Variants in IFT122 observed in about 807,000 individuals in gnomAD.
IFT122 encodes intraflagellar transport protein 122 homolog.
IFT122 carries 118 observed loss-of-function variants against 161.6 expected under a neutral mutation model. The observed-to-expected ratio is 0.73, with a 90% CI of 0.63 to 0.85. IFT122 has a LOEUF of 0.85. Among genes scored for constraint, IFT122 ranks in the 40% least tolerant of loss-of-function variants. The pLI is 0.00. For missense variants in IFT122, 1,381 were observed against 1,579.6 expected (o/e 0.87, Z 2.13); for synonymous variants, 550 against 602.4 (o/e 0.91, Z 1.27).
In IFT122 at chr3:129,466,897, G is replaced by T; in HGVS notation, c.571G>T (p.Glu191Ter). The T allele has an allele frequency of 6.2e-7, 1 of 1,614,064 alleles. No individual in the cohort carries two copies. Among genetic ancestry groups the T allele is most frequent in the Non-Finnish European group, 8.5e-7 (1 of 1,179,868 alleles). The change falls in exon 8 of 30, where the codon GAG becomes TAG. Residue 191 changes from glutamate to a stop codon, truncating the protein, a stop_gained. Coordinates refer to ENST00000348417, the MANE Select transcript of IFT122 (RefSeq NM_052989.3). LOFTEE classifies it high-confidence loss of function. ...ACTACTTACTGTCTACAGCCGATGG[G>T]AGAGTTTCTGGATGAACAGAGAGAA... is the stretch of plus-strand genomic sequence containing the variant. ...SICWNPSSRW[E>*]SFWMNRENED...
chr3:129,473,798 C>G (rs946466948), intron 9 of IFT122, among the ~76,000 whole-genome samples: 2 of 152,214 alleles, frequency 1.3e-5, no homozygotes, highest in African/African-American at 4.8e-5. Context: ...AGGCAAAAAC[C>G]CTTAAAAAAA....
chr3:129,505,986 T>G (rs1323339717), intron 21 of IFT122, among the ~76,000 whole-genome samples: 1 of 151,958 alleles, frequency 6.6e-6, no homozygotes, highest in Non-Finnish European at 1.5e-5. Flanking sequence ...TCCAGTGAGG[T>G]GATTAGCAAC....
At position 129,506,412 on chromosome 3, in the gene IFT122, T is replaced by C. The variant is rs759984088; in HGVS notation, c.2654T>C (p.Phe885Ser). 8.7e-6 allele frequency: 14 copies of C among 1,613,786 alleles called. No homozygotes were observed. The highest frequency in any genetic ancestry group is 1.2e-5 in the Non-Finnish European group (14 of 1,180,008). The change falls in exon 22 of 30, where the codon TTC becomes TCC. Residue 885 changes from phenylalanine to serine, a missense_variant. Transcript: ENST00000348417. ...NDRFEEAQKA[F>S]HKAGRQREAV... ...CCTCCCTCCACCACTCCTACAGCGT[T>C]CCACAAGGCTGGGCGACAGAGAGAA...
intron 5 of IFT122, among the ~76,000 whole-genome samples, chr3:129,462,749 A>T (rs900996676): frequency 6.6e-6 from 1 of 152,206 alleles, no homozygotes; most frequent in Non-Finnish European, 1.5e-5. Flanking sequence ...CAACTTGGCA[A>T]ATAGAAGAAT....
At chr3:129,487,347 T>A (rs1247317798) in intron 15 of IFT122, among the ~76,000 whole-genome samples, 3 of 151,954 alleles carry the variant, frequency 2.0e-5, no homozygotes, top group Non-Finnish European at 4.4e-5. Flanking sequence ...TGGAGTCCAG[T>A]CACCTCTGGC....
At position 129,512,632 on chromosome 3, in the gene IFT122, T is replaced by C. The variant is rs796369490; in HGVS notation, c.2987+220T>C. The C allele has an allele frequency of 3.4e-5, 20 of 594,624 alleles. No individual in the cohort carries two copies. In the African/African-American group the frequency reaches 3.5e-4, roughly 10 times the overall value. The allele number at this position is 594,624 out of a possible 1,614,324, so 36.8% of individuals were successfully genotyped here. On this transcript the variant is annotated intron_variant, in intron 24 of 29. Transcript: ENST00000348417. ...GATGAGTTTTCAGGGCTCTCTGAGC[T>C]GAACCCAGCAGTGGGTCTCTGGCCA...
At chr3:129,477,725 A>G (rs1443255011) in intron 11 of IFT122, among the ~76,000 whole-genome samples, 1 of 152,200 alleles carries the variant, frequency 6.6e-6, no homozygotes, top group Non-Finnish European at 1.5e-5. Flanking sequence ...GGGGGCCACT[A>G]GTGCTGTGCA....
chr3:129,449,665 G>A lies in IFT122; in HGVS notation c.42-206G>A, dbSNP rs2074506113. Among the ~76,000 whole-genome samples, 4 of 152,360 alleles carry A rather than the reference G, an allele frequency of 2.6e-5. No individual in the cohort carries two copies. The South Asian group carries it at 8.3e-4, about 32-fold the overall frequency. ...GGACAAGAGGAAATCAGGACAAAGAGCTAACTACTGAGTGGATCATGATTG... is the reference window on the plus strand; with the variant it reads ...GGACAAGAGGAAATCAGGACAAAGAACTAACTACTGAGTGGATCATGATTG... On this transcript the variant is annotated intron_variant, in intron 1 of 29. Transcript: ENST00000348417.
At chr3:129,448,685 A>C (rs1263372364) in intron 1 of IFT122, among the ~76,000 whole-genome samples, 1 of 149,774 alleles carries the variant, frequency 6.7e-6, no homozygotes. Flanking sequence ...TTGCCTTTTT[A>C]TTTATTTATT....
chr3:129,447,799 C>A (rs934984968), intron 1 of IFT122, among the ~76,000 whole-genome samples: 1 of 152,152 alleles, frequency 6.6e-6, no homozygotes, highest in African/African-American at 2.4e-5. Context: ...GCATGAGCAC[C>A]GCACCCAGCC....
Position 129,500,008 on chromosome 3 carries a change from T to A in IFT122, c.2315T>A (p.Ile772Asn), listed in dbSNP as rs371325633. Residue 772 changes from isoleucine (I) to asparagine (N), a missense_variant, in exon 19 of 30, where the codon ATC becomes AAC. Physicochemically the swap from Ile to Asn is moderately radical, Grantham distance 149 (BLOSUM62 -3). This residue lies in a region of IFT122 where 496 missense variants were observed against 502.5 expected (regional missense o/e 0.99). Coordinates refer to ENST00000348417, the MANE Select transcript of IFT122 (RefSeq NM_052989.3). ...CCCAAAGCCGCCGTGGAGATGTACA[T>A]CTCAGCAGGAGAGCACGTCAAGGCC... is the stretch of plus-strand genomic sequence containing the variant. ...KEPKAAVEMY[I>N]SAGEHVKAIE... 89 of 1,614,052 alleles carry A rather than the reference T, an allele frequency of 5.5e-5. No individual in the cohort carries two copies. Among genetic ancestry groups the A allele is most frequent in the Non-Finnish European group, 6.9e-5 (81 of 1,180,034 alleles).
chr3:129,476,198 A>G (rs1441492854), intron 9 of IFT122, 117 bp from the exon 10 acceptor site: 5 of 1,091,014 alleles, frequency 4.6e-6, no homozygotes, highest in Non-Finnish European at 6.9e-6. Context: ...AAGGCTGGCC[A>G]GCTCTCCCTG....
At chr3:129,451,377 C>T (rs2074828706) in intron 2 of IFT122, among the ~76,000 whole-genome samples, 1 of 152,168 alleles carries the variant, frequency 6.6e-6, no homozygotes, top group Non-Finnish European at 1.5e-5. Context: ...CCCACTTCAG[C>T]CTCCCAGAGT....
At chr3:129,480,927 C>A (rs1332790004) in intron 13 of IFT122, among the ~76,000 whole-genome samples, 1 of 152,052 alleles carries the variant, frequency 6.6e-6, no homozygotes, top group Non-Finnish European at 1.5e-5. Context: ...GTGGAGGGTA[C>A]CTGTTTTCCC....
chr3:129,503,637 G>A lies in IFT122; in HGVS notation c.2548-682G>A, dbSNP rs529048056. Among the ~76,000 whole-genome samples, 8 of 152,172 alleles carry A rather than the reference G, an allele frequency of 5.3e-5. No homozygotes were observed. In the Middle Eastern group the frequency reaches 0.017, roughly 323 times the overall value. ...AGCAAAGCCTTCACTGAGAGGAGCC[G>A]TCTGACTGTTGTCTGCTCTCTGAAC... On this transcript the variant is annotated intron_variant, in intron 20 of 29. Transcript: ENST00000348417.
rs1245583332 is a variant in IFT122 at position 129,492,825 on chromosome 3, T to G, written c.2046+631T>G. ...ACTATGCTTTTTTTTTCTTTTTTTTTTTTTTTTTTCTGAAACAAGGTCTCA... is the reference window on the plus strand; with the variant it reads ...ACTATGCTTTTTTTTTCTTTTTTTTGTTTTTTTTTCTGAAACAAGGTCTCA... On this transcript the variant is annotated intron_variant, in intron 17 of 29. Transcript: ENST00000348417. 2.0e-5 allele frequency among the ~76,000 whole-genome samples: 3 copies of G among 150,420 alleles called. No individual in the cohort carries two copies. The East Asian group carries it at 5.9e-4, about 30-fold the overall frequency.
intron 23 of IFT122, among the ~76,000 whole-genome samples, chr3:129,509,970 C>T (rs1299927338): frequency 1.3e-5 from 2 of 152,216 alleles, no homozygotes; most frequent in Non-Finnish European, 2.9e-5. Flanking sequence ...GAGTACCTAG[C>T]ACAGAGTGAC....
intron 29 of IFT122, 87 bp from the exon 30 acceptor site, chr3:129,520,089 C>G: frequency 9.1e-7 from 1 of 1,093,140 alleles, no homozygotes; most frequent in South Asian, 1.3e-5. Context: ...AAGCCCCCTC[C>G]CCTTGAGAGG....
At chr3:129,482,363 C>T (rs562341523) in intron 14 of IFT122, among the ~76,000 whole-genome samples, 1 of 152,336 alleles carries the variant, frequency 6.6e-6, no homozygotes, top group East Asian at 1.9e-4. Flanking sequence ...GCCATTCTTT[C>T]TCTCTTTAGG....
Sources: allele counts gnomAD v4.1 joint callset (sites outside exome capture counted in the v4.1 genomes callset), GRCh38; gene constraint gnomAD v4.1.1; regional missense constraint gnomAD v4.1.1; transcripts MANE v1.5; gene names NCBI Gene and HGNC (gene_info 2026-07-23, HGNC 2026-07-21).